The following RFTN1 variants were observed in gnomAD, a reference collection of about 807,000 sequenced individuals.
The protein encoded by RFTN1 is raftlin, lipid raft linker 1.
In RFTN1, 26 loss-of-function variants were observed where a neutral mutation model predicts 46.5. The observed-to-expected ratio is 0.56, with a 90% CI of 0.41 to 0.78. RFTN1 has a LOEUF of 0.78. RFTN1 is among the 30% of genes least tolerant of loss of function. The pLI is 0.00. For synonymous variants in RFTN1, 261 were observed against 284.2 expected (o/e 0.92, Z 0.82); for missense variants, 693 against 718.7 (o/e 0.96, Z 0.41).
chr3:16,432,768 T>G lies in RFTN1; in HGVS notation c.332+1083A>C, dbSNP rs1559344143. Among the ~76,000 whole-genome samples the G allele has an allele frequency of 2.6e-5, 4 of 152,338 alleles. No homozygotes were observed. In the South Asian group the frequency reaches 8.3e-4, roughly 32 times the overall value. On this transcript the variant is annotated intron_variant, in intron 3 of 9. Transcript: ENST00000334133. ...TTGCCCTACCAAAACATGTGTGAAT[T>G]CTGGGTTCGAGCAAAAACATGCACC... is the stretch of plus-strand genomic sequence containing the variant.
intron 4 of RFTN1, among the ~76,000 whole-genome samples, chr3:16,398,119 C>T (rs766903749): frequency 5.9e-4 from 90 of 151,906 alleles, no homozygotes; most frequent in Non-Finnish European, 1.1e-3. Context: ...TGGTGGCGGG[C>T]GCCTGTAATC....
Position 16,454,308 on chromosome 3 carries a change from G to A in RFTN1, c.146-20271C>T, listed in dbSNP as rs559001755. On this transcript the variant is annotated intron_variant, in intron 2 of 9. Transcript: ENST00000334133. ...TCCATCTATGGAGTGAGACCATGCCGTGCTGACTTCTCAGCAAAGTGGCAG... is the reference window on the plus strand; with the variant it reads ...TCCATCTATGGAGTGAGACCATGCCATGCTGACTTCTCAGCAAAGTGGCAG... 3.1e-4 allele frequency among the ~76,000 whole-genome samples: 47 copies of A among 152,288 alleles called. 1 individual carries two copies. The highest frequency in any genetic ancestry group is 8.9e-4 in the African/African-American group (37 of 41,558).
chr3:16,490,433 C>G (rs1245105773), intron 2 of RFTN1, among the ~76,000 whole-genome samples: 1 of 152,172 alleles, frequency 6.6e-6, no homozygotes, highest in African/African-American at 2.4e-5. Context: ...GCACGACACA[C>G]TGTCCTCCAG....
chr3:16,501,122 G>A (rs185500779), intron 1 of RFTN1, among the ~76,000 whole-genome samples: 1 of 152,276 alleles, frequency 6.6e-6, no homozygotes, highest in East Asian at 1.9e-4. Flanking sequence ...GAGTGACAGA[G>A]CAAGACTTGT....
At chr3:16,486,478 T>C (rs889913159) in intron 2 of RFTN1, among the ~76,000 whole-genome samples, 7 of 152,192 alleles carry the variant, frequency 4.6e-5, no homozygotes, top group African/African-American at 1.4e-4. Context: ...TCCCCACATA[T>C]GCAGGGTTAT....
At position 16,376,820 on chromosome 3, in the gene RFTN1, C is replaced by T. The variant is rs1232720292; in HGVS notation, c.826+898G>A. On this transcript the variant is annotated intron_variant, in intron 5 of 9. Coordinates refer to ENST00000334133, the MANE Select transcript of RFTN1 (RefSeq NM_015150.2). The surrounding 1 kb of genome is among the most constrained non-coding windows in gnomAD (Gnocchi z 4.7). ...TCTGATGTAACAAAAGAAACTGTTT[C>T]TCCTTGTTTTCCCTTCTGGAAGCAC... Among the ~76,000 whole-genome samples the T allele has an allele frequency of 6.6e-6, 1 of 152,218 alleles. No individual in the cohort carries two copies. The highest frequency in any genetic ancestry group is 1.5e-5 in the Non-Finnish European group (1 of 68,036).
chr3:16,366,292 A>C (rs1315454390), intron 6 of RFTN1, among the ~76,000 whole-genome samples: 1 of 151,980 alleles, frequency 6.6e-6, no homozygotes, highest in African/African-American at 2.4e-5. Context: ...GTCTTACCCC[A>C]AACTCCTGGC....
At chr3:16,476,170 T>C (rs1264357409) in intron 2 of RFTN1, among the ~76,000 whole-genome samples, 1 of 152,228 alleles carries the variant, frequency 6.6e-6, no homozygotes, top group African/African-American at 2.4e-5. Context: ...TGAATTTCTA[T>C]TGGGTTCTGC....
intron 7 of RFTN1, among the ~76,000 whole-genome samples, chr3:16,330,365 A>G (rs962310171): frequency 2.0e-5 from 3 of 152,238 alleles, no homozygotes; most frequent in Non-Finnish European, 2.9e-5. Context: ...TAGTAAAGAG[A>G]TGGCATTTCT....
chr3:16,359,097 A>G (rs1194968079), intron 6 of RFTN1, among the ~76,000 whole-genome samples: 4 of 151,412 alleles, frequency 2.6e-5, no homozygotes, highest in Non-Finnish European at 5.9e-5. Context: ...ACACTAAGGG[A>G]AGCACCTTTT....
chr3:16,358,981 G>A (rs546463513), intron 6 of RFTN1, among the ~76,000 whole-genome samples: 9 of 141,842 alleles, frequency 6.3e-5, no homozygotes, highest in South Asian at 2.2e-4. Flanking sequence ...GCAGTGAGCC[G>A]AGATAGCACC....
chr3:16,443,747 CACA>C lies in RFTN1; in HGVS notation c.146-9713_146-9711del, dbSNP rs983322621. On this transcript the variant is annotated intron_variant, in intron 2 of 9. Transcript: ENST00000334133. This position sits in a 1 kb window ranked among gnomAD's most constrained non-coding sequence, Gnocchi z 5.5. ...AATCACACATAGTCAATGAATTACA[CACA>C]ACACACACACACACACACACACACA... Among the ~76,000 whole-genome samples the C allele has an allele frequency of 1.5e-5, 2 of 136,964 alleles. No homozygotes were observed. The highest frequency in any genetic ancestry group is 5.6e-5 in the African/African-American group (2 of 35,508). 89.9% of individuals were successfully genotyped at this position (136,964 alleles called of 152,430 possible).
At chr3:16,502,511 T>C (rs908461988) in intron 1 of RFTN1, among the ~76,000 whole-genome samples, 2 of 152,174 alleles carry the variant, frequency 1.3e-5, no homozygotes, top group Non-Finnish European at 2.9e-5. Context: ...CCACAGTGAA[T>C]AGGGCTGACC....
At chr3:16,339,097 C>T (rs1278498139) in intron 7 of RFTN1, among the ~76,000 whole-genome samples, 2 of 152,232 alleles carry the variant, frequency 1.3e-5, no homozygotes, top group African/African-American at 2.4e-5. Flanking sequence ...TGGGCTGTCA[C>T]AGTCTTGACT....
intron 6 of RFTN1, among the ~76,000 whole-genome samples, chr3:16,369,753 G>T (rs1335653447): frequency 6.6e-6 from 1 of 152,128 alleles, no homozygotes; most frequent in Non-Finnish European, 1.5e-5. Context: ...AATCCCAGGG[G>T]GTAATTAACA....
Position 16,410,054 on chromosome 3 carries a change from G to A in RFTN1, c.333-571C>T, listed in dbSNP as rs1194762834. ...TTAATGAAGCCCCAGATTCTTTCCC[G>A]AAAGTAACGTCAAAAAGGCACTGAT... On this transcript the variant is annotated intron_variant, in intron 3 of 9. Coordinates refer to ENST00000334133, the MANE Select transcript of RFTN1 (RefSeq NM_015150.2). The surrounding 1 kb of genome is among the most constrained non-coding windows in gnomAD (Gnocchi z 4.6). Among the ~76,000 whole-genome samples, 1 of 150,988 alleles carries A rather than the reference G, an allele frequency of 6.6e-6. No individual in the cohort carries two copies. Among genetic ancestry groups the A allele is most frequent in the Non-Finnish European group, 1.5e-5 (1 of 67,852 alleles).
Position 16,407,509 on chromosome 3 carries a change from A to G in RFTN1, c.441+1866T>C, listed in dbSNP as rs2074887290. 6.6e-6 allele frequency among the ~76,000 whole-genome samples: 1 copy of G among 152,156 alleles called. No homozygotes were observed. The highest frequency in any genetic ancestry group is 2.1e-4 in the South Asian group (1 of 4,830). ...GCCCAGCCTCAAATCACATGTTTTTAAAAAGCATATTTGAGAGTGGGCAGA... is the reference window on the plus strand; with the variant it reads ...GCCCAGCCTCAAATCACATGTTTTTGAAAAGCATATTTGAGAGTGGGCAGA... On this transcript the variant is annotated intron_variant, in intron 4 of 9. Transcript: ENST00000334133. The surrounding 1 kb of genome is among the most constrained non-coding windows in gnomAD (Gnocchi z 4.0).
At chr3:16,368,499 A>G (rs1457794281) in intron 6 of RFTN1, among the ~76,000 whole-genome samples, 1 of 152,132 alleles carries the variant, frequency 6.6e-6, no homozygotes, top group African/African-American at 2.4e-5. Flanking sequence ...GCGAAACCCC[A>G]TCTCTACTAA....
intron 2 of RFTN1, chr3:16,471,986 A>G (rs986631159): frequency 6.6e-6 from 1 of 152,112 alleles, no homozygotes; most frequent in African/African-American, 2.4e-5. Context: ...GCATCTTCAT[A>G]TGGGGGGGTC....
Sources: gnomAD v4.1 joint callset for allele counts (sites outside exome capture counted in the v4.1 genomes callset) on GRCh38, gnomAD v4.1.1 for gene constraint, Gnocchi (gnomAD v3.1) non-coding constraint, MANE v1.5 for transcripts, NCBI Gene and HGNC (gene_info 2026-07-23, HGNC 2026-07-21) for gene names.